The following NAALADL2 variants were observed in gnomAD, a reference collection of about 807,000 sequenced individuals.
The protein encoded by NAALADL2 is inactive N-acetylated-alpha-linked acidic dipeptidase-like protein 2.
In NAALADL2, 76 loss-of-function variants were observed where a neutral mutation model predicts 87.2. The observed-to-expected ratio is 0.87, with a 90% CI of 0.72 to 1.05. The LOEUF (loss-of-function observed/expected upper bound fraction) is 1.05. Among genes scored for constraint, NAALADL2 ranks in the 50% least tolerant of loss-of-function variants. The pLI is 0.00. For synonymous variants in NAALADL2, 354 were observed against 331.0 expected (o/e 1.07, Z -0.75); for missense variants, 1,089 against 945.8 (o/e 1.15, Z -1.99).
At chr3:174,712,898 A>G (rs1489579883) in intron 2 of NAALADL2, among the ~76,000 whole-genome samples, 1 of 152,056 alleles carries the variant, frequency 6.6e-6, no homozygotes, top group Admixed American at 6.5e-5. Context: ...GGTGTGCTGC[A>G]CCCAGTAACT....
At chr3:175,269,883 T>C (rs967254605) in intron 4 of NAALADL2, among the ~76,000 whole-genome samples, 2 of 152,176 alleles carry the variant, frequency 1.3e-5, no homozygotes, top group African/African-American at 2.4e-5. Flanking sequence ...CAAACAAATA[T>C]GTTTTCAGAT....
intron 1 of NAALADL2, among the ~76,000 whole-genome samples, chr3:175,050,900 T>C (rs1022377339): frequency 5.9e-5 from 9 of 152,092 alleles, no homozygotes; most frequent in African/African-American, 1.2e-4. Context: ...ATCGATAAGA[T>C]GAAAAAACTA....
chr3:174,507,772 C>T (rs1283743206), intron 1 of NAALADL2, among the ~76,000 whole-genome samples: 1 of 152,030 alleles, frequency 6.6e-6, no homozygotes, highest in Non-Finnish European at 1.5e-5. Context: ...ATGGCTATCC[C>T]ACAACTTGTT....
At chr3:175,143,570 A>G (rs912741659) in intron 2 of NAALADL2, among the ~76,000 whole-genome samples, 2 of 139,450 alleles carry the variant, frequency 1.4e-5, no homozygotes, top group African/African-American at 5.1e-5. Context: ...AAAAAAAAAA[A>G]GACAATGAAA....
At chr3:175,112,856 T>C (rs1379092094) in intron 2 of NAALADL2, among the ~76,000 whole-genome samples, 6 of 151,564 alleles carry the variant, frequency 4.0e-5, no homozygotes, top group African/African-American at 1.5e-4. Context: ...ATATAAATTC[T>C]GATAGGGTAG....
rs34909808 is a variant in NAALADL2 at position 175,700,643 on chromosome 3, G to A, written c.1897-36663G>A. Among the ~76,000 whole-genome samples the A allele has an allele frequency of 4.1e-3, 623 of 152,042 alleles. 2 individuals carry two copies. The highest frequency in any genetic ancestry group is 7.1e-3 in the Non-Finnish European group (481 of 67,954). ...TATGAAAATGTGAAAAGAAAGTATG[G>A]GATCATTGGTTTTTAGAGCAACTTA... is the stretch of plus-strand genomic sequence containing the variant. On this transcript the variant is annotated intron_variant, in intron 11 of 13. Coordinates refer to ENST00000454872, the MANE Select transcript of NAALADL2 (RefSeq NM_207015.3).
chr3:175,357,893 G>A (rs1298580213), intron 5 of NAALADL2, among the ~76,000 whole-genome samples: 1 of 152,078 alleles, frequency 6.6e-6, no homozygotes, highest in South Asian at 2.1e-4. Context: ...ACATAAGTTA[G>A]CAACATCAGG....
intron 2 of NAALADL2, among the ~76,000 whole-genome samples, chr3:174,684,111 C>A (rs1168702048): frequency 6.6e-6 from 1 of 151,900 alleles, no homozygotes; most frequent in South Asian, 2.1e-4. Context: ...ATCACACACC[C>A]TCCTTACTTC....
At chr3:175,448,449 A>T (rs1001184656) in intron 6 of NAALADL2, among the ~76,000 whole-genome samples, 2 of 152,230 alleles carry the variant, frequency 1.3e-5, no homozygotes, top group Non-Finnish European at 1.5e-5. Flanking sequence ...CTGGACTTGT[A>T]AAAGACCATA....
At chr3:175,011,250 G>C (rs1749741280) in intron 1 of NAALADL2, among the ~76,000 whole-genome samples, 1 of 128,286 alleles carries the variant, frequency 7.8e-6, no homozygotes, top group Non-Finnish European at 1.5e-5. Context: ...GAGGGAGAGA[G>C]ACAGAGAGAG....
In NAALADL2 at chr3:174,507,312, C is replaced by G. The variant is rs1719258710; in HGVS notation, c.-183-43257C>G. Among the ~76,000 whole-genome samples, 3 of 152,114 alleles carry G rather than the reference C, an allele frequency of 2.0e-5. No homozygotes were observed. In the South Asian group the frequency reaches 6.2e-4, roughly 32 times the overall value. ...TATGCTCTGAGGAAGTTTAGGTATTCTATGTTGGGGATGTTGTTCAAGAGC... is the reference window on the plus strand; with the variant it reads ...TATGCTCTGAGGAAGTTTAGGTATTGTATGTTGGGGATGTTGTTCAAGAGC... On this transcript the variant is annotated intron_variant, in intron 1 of 3. Coordinates refer to the NAALADL2 transcript ENST00000434257.
At chr3:175,689,876 G>T (rs1404490682) in intron 11 of NAALADL2, among the ~76,000 whole-genome samples, 1 of 152,026 alleles carries the variant, frequency 6.6e-6, no homozygotes, top group African/African-American at 2.4e-5. Flanking sequence ...ATAAGAATAA[G>T]TATCACTCTT....
At chr3:174,751,356 G>A (rs1484391544) in intron 3 of NAALADL2, among the ~76,000 whole-genome samples, 1 of 152,000 alleles carries the variant, frequency 6.6e-6, no homozygotes, top group African/African-American at 2.4e-5. Context: ...AAGTATTAAT[G>A]TAAATTAATA....
intron 13 of NAALADL2, among the ~76,000 whole-genome samples, chr3:175,785,933 G>C (rs369495900): frequency 6.6e-6 from 1 of 150,840 alleles, no homozygotes; most frequent in Non-Finnish European, 1.5e-5. Context: ...TTGCTTGTCT[G>C]TAAAGTATTT....
intron 2 of NAALADL2, among the ~76,000 whole-genome samples, chr3:174,734,980 G>C (rs1266743662): frequency 6.6e-6 from 1 of 152,138 alleles, no homozygotes; most frequent in Non-Finnish European, 1.5e-5. Context: ...CTAGTCACAA[G>C]CTTGTACAAT....
At chr3:175,260,689 AAAGAG>A (rs1430726771) in intron 4 of NAALADL2, among the ~76,000 whole-genome samples, 2 of 152,164 alleles carry the variant, frequency 1.3e-5, no homozygotes, top group African/African-American at 4.8e-5. Context: ...CTGAATGAGT[AAAGAG>A]AAGTTCATTT....
intron 1 of NAALADL2, among the ~76,000 whole-genome samples, chr3:174,870,305 G>A (rs926569124): frequency 2.6e-5 from 4 of 152,168 alleles, no homozygotes; most frequent in African/African-American, 9.6e-5. Flanking sequence ...CCTTTGAAAA[G>A]CAATGGAACA....
chr3:175,495,701 A>G (rs1171604405), intron 9 of NAALADL2, among the ~76,000 whole-genome samples: 1 of 151,584 alleles, frequency 6.6e-6, no homozygotes, highest in Non-Finnish European at 1.5e-5. Context: ...TTACTTCCCC[A>G]TGTTCTATCT....
chr3:174,816,859 T>C (rs542754358), intron 3 of NAALADL2, among the ~76,000 whole-genome samples: 2 of 152,172 alleles, frequency 1.3e-5, no homozygotes, highest in Admixed American at 1.3e-4. Context: ...ACCAGCTCAA[T>C]GATTAGGAGT....
Sources: gnomAD v4.1 joint callset for allele counts (sites outside exome capture counted in the v4.1 genomes callset) on GRCh38, gnomAD v4.1.1 for gene constraint, MANE v1.5 for transcripts, NCBI Gene and HGNC (gene_info 2026-07-23, HGNC 2026-07-21) for gene names.